The following SERPINB2 variants were observed in gnomAD, a reference collection of about 807,000 sequenced individuals.
SERPINB2 encodes plasminogen activator inhibitor 2.
Under a neutral mutation model 39.4 loss-of-function variants are expected in SERPINB2, and 28 were observed. The observed-to-expected ratio is 0.71, with a 90% confidence interval of 0.53 to 0.97. The LOEUF is 0.97. Among genes scored for constraint, SERPINB2 ranks in the 50% least tolerant of loss-of-function variants. SERPINB2 has a pLI of 0.00. For synonymous variants in SERPINB2, 209 were observed against 175.1 expected (o/e 1.19, Z -1.53); for missense variants, 557 against 505.3 (o/e 1.10, Z -0.98).
intron 6 of SERPINB2, 32 bp from the exon 7 acceptor site, chr18:63,902,372 G>T: frequency 6.7e-6 from 10 of 1,494,830 alleles, no homozygotes; most frequent in East Asian, 2.4e-5. Context: ...TCTTATAATC[G>T]ACTTCCATAT....
chr18:63,901,698 T>C (rs2049991901), intron 5 of SERPINB2, 42 bp from the exon 6 acceptor site: 2 of 1,419,208 alleles, frequency 1.4e-6, no homozygotes, highest in Non-Finnish European at 1.9e-6. Context: ...AATTTCACAG[T>C]TCTTGATTAT....
Position 63,901,507 on chromosome 18 carries a change from T to C in SERPINB2, c.536-233T>C, listed in dbSNP as rs895702826. 4.6e-5 allele frequency among the ~76,000 whole-genome samples: 7 copies of C among 152,174 alleles called. No individual in the cohort carries two copies. The South Asian group carries it at 1.2e-3, about 27-fold the overall frequency. On this transcript the variant is annotated intron_variant, in intron 5 of 7. Coordinates refer to ENST00000299502, the MANE Select transcript of SERPINB2 (RefSeq NM_002575.3). Reference sequence around the variant, plus strand: ...GTGAAAATCTCCATTCCAAACTTGATAGGCGGTCTAAATTTTAAATGCATT... The same window carrying C: ...GTGAAAATCTCCATTCCAAACTTGACAGGCGGTCTAAATTTTAAATGCATT...
At position 63,901,788 on chromosome 18, in the gene SERPINB2, G is replaced by T; in HGVS notation, c.584G>T (p.Arg195Met). 1 of 1,588,610 alleles carries T rather than the reference G, an allele frequency of 6.3e-7. No homozygotes were observed. Among genetic ancestry groups the T allele is most frequent in the Non-Finnish European group, 8.5e-7 (1 of 1,173,324 alleles). Residue 195 changes from arginine to methionine, a missense_variant, in exon 6 of 8, where the codon AGG (arginine) becomes ATG (methionine). Coordinates refer to ENST00000299502, the MANE Select transcript of SERPINB2 (RefSeq NM_002575.3). ...LPEGSVDGDT[R>M]MVLVNAVYFK... ...GAAGGTTCTGTAGATGGGGATACCA[G>T]GATGGTCCTGGTGAATGCTGTCTAC...
chr18:63,888,658 T>C (rs1016582373), intron 1 of SERPINB2, among the ~76,000 whole-genome samples: 3 of 152,198 alleles, frequency 2.0e-5, no homozygotes, highest in African/African-American at 7.2e-5. Flanking sequence ...CCTCCCAAAT[T>C]CTTCCTTCCC....
At chr18:63,902,199 A>T (rs1472998358) in intron 6 of SERPINB2, among the ~76,000 whole-genome samples, 4 of 152,202 alleles carry the variant, frequency 2.6e-5, no homozygotes, top group Non-Finnish European at 4.4e-5. Flanking sequence ...ATTGTTGTCC[A>T]TCTTACTAAA....
In SERPINB2 at chr18:63,902,951, C is replaced by G. The variant is rs199563173; in HGVS notation, c.894C>G (p.Asp298Glu). Residue 298 changes from aspartate to glutamate, a missense_variant, in exon 8 of 8, where the codon GAC becomes GAG. Transcript: ENST00000299502. Reference protein sequence around the residue: ...YDKLNKWTSKDKMAEDEVEVY... With the variant: ...YDKLNKWTSKEKMAEDEVEVY... ...AACTCAACAAGTGGACCAGCAAAGA[C>G]AAAATGGCTGAAGATGAAGTTGAGG... The G allele has an allele frequency of 6.2e-7, 1 of 1,612,998 alleles. No homozygotes were observed. The highest frequency in any genetic ancestry group is 8.5e-7 in the Non-Finnish European group (1 of 1,179,530).
At chr18:63,895,208 A>C in intron 2 of SERPINB2, 56 bp from the exon 3 acceptor site, 1 of 1,600,402 alleles carries the variant, frequency 6.2e-7, no homozygotes, top group Non-Finnish European at 8.5e-7. Flanking sequence ...CATCTGTTTT[A>C]AAAGTTCAGT....
chr18:63,897,914 T>C lies in SERPINB2; in HGVS notation c.535+70T>C. ...ACTCTGATCTATCTTTTTCCATCCATGAACTTAGTTAGCCCTCACCCCTTT... is the reference window on the plus strand; with the variant it reads ...ACTCTGATCTATCTTTTTCCATCCACGAACTTAGTTAGCCCTCACCCCTTT... On this transcript the variant is annotated intron_variant, in intron 5 of 7. Transcript: ENST00000299502. 2.8e-6 allele frequency: 3 copies of C among 1,063,884 alleles called. No individual in the cohort carries two copies. The South Asian group carries it at 4.2e-5, about 15-fold the overall frequency. 65.9% of individuals were successfully genotyped at this position (1,063,884 alleles called of 1,614,324 possible).
chr18:63,891,429 C>T lies in SERPINB2; in HGVS notation c.-9-7C>T. On this transcript the variant is annotated splice_region_variant and splice_polypyrimidine_tract_variant and intron_variant, in intron 1 of 7. Coordinates refer to ENST00000299502, the MANE Select transcript of SERPINB2 (RefSeq NM_002575.3). The stretch of plus-strand genomic sequence containing the variant: ...AGCTGTTTTTTTCTTCCTCTCTTTG[C>T]TTCTAGATTGAAACAATGGAGGATC... The T allele has an allele frequency of 3.1e-6, 5 of 1,613,326 alleles. No homozygotes were observed. The highest frequency in any genetic ancestry group is 4.2e-6 in the Non-Finnish European group (5 of 1,179,706).
At chr18:63,900,655 A>G (rs2049986025) in intron 5 of SERPINB2, among the ~76,000 whole-genome samples, 1 of 152,182 alleles carries the variant, frequency 6.6e-6, no homozygotes, top group African/African-American at 2.4e-5. Context: ...TCATTGCCAC[A>G]GAAAGAGGTG....
chr18:63,895,870 A>G (rs2049956346), intron 3 of SERPINB2, among the ~76,000 whole-genome samples: 1 of 152,176 alleles, frequency 6.6e-6, no homozygotes, highest in Non-Finnish European at 1.5e-5. Context: ...CTTACCTATC[A>G]TACATCTATC....
chr18:63,894,315 C>T (rs1002364168), intron 2 of SERPINB2, among the ~76,000 whole-genome samples: 2 of 152,184 alleles, frequency 1.3e-5, no homozygotes, highest in East Asian at 1.9e-4. Flanking sequence ...GCAGGACTTA[C>T]GATGTATGAC....
At chr18:63,894,144 G>A (rs1347096138) in intron 2 of SERPINB2, among the ~76,000 whole-genome samples, 1 of 152,118 alleles carries the variant, frequency 6.6e-6, no homozygotes, top group Non-Finnish European at 1.5e-5. Context: ...CTCCCTGAGT[G>A]ACTTTAACAC....
chr18:63,903,242 T>A lies in SERPINB2; in HGVS notation c.1185T>A (p.Leu395=), dbSNP rs749852357. 1 of 1,595,324 alleles carries A rather than the reference T, an allele frequency of 6.3e-7. No individual in the cohort carries two copies. The highest frequency in any genetic ancestry group is 1.8e-5 in the Admixed American group (1 of 55,628). Residue 395 remains leucine (L), a synonymous_variant, in exon 8 of 8, where the codon CTT becomes CTA. Coordinates refer to ENST00000299502, the MANE Select transcript of SERPINB2 (RefSeq NM_002575.3). ...AGTTTGTGGCAGATCATCCTTTTCT[T>A]TTTCTTATTATGCATAAGATAACCA... ...GPQFVADHPF[L]FLIMHKITNC... is the part of the protein sequence containing the mutation.
rs556008394 is a variant in SERPINB2, at chr18:63,892,093, T to C, written c.168+481T>C. On this transcript the variant is annotated intron_variant, in intron 2 of 7. Coordinates refer to ENST00000299502, the MANE Select transcript of SERPINB2 (RefSeq NM_002575.3). Reference sequence around the variant, plus strand: ...CTATGAAGAATTCCTTCTAATAATGTTAAGAGAGTATCACAAAGGGAAAAA... The same window carrying C: ...CTATGAAGAATTCCTTCTAATAATGCTAAGAGAGTATCACAAAGGGAAAAA... 9.2e-5 allele frequency among the ~76,000 whole-genome samples: 14 copies of C among 151,684 alleles called. 1 individual carries two copies. Among genetic ancestry groups the C allele is most frequent in the Admixed American group, 9.2e-4 (14 of 15,260 alleles).
At chr18:63,893,906 C>T (rs1301636333) in intron 2 of SERPINB2, among the ~76,000 whole-genome samples, 5 of 152,128 alleles carry the variant, frequency 3.3e-5, no homozygotes, top group African/African-American at 1.2e-4. Context: ...GAAGAGGCCA[C>T]ACAGTTGAGA....
At chr18:63,898,308 A>C (rs1307424725) in intron 5 of SERPINB2, among the ~76,000 whole-genome samples, 3 of 152,176 alleles carry the variant, frequency 2.0e-5, no homozygotes, top group Non-Finnish European at 2.9e-5. Context: ...TCCATTGTCA[A>C]GTTTTTTTGG....
chr18:63,891,114 C>A (rs2049923051), intron 1 of SERPINB2, among the ~76,000 whole-genome samples: 1 of 152,150 alleles, frequency 6.6e-6, no homozygotes, highest in African/African-American at 2.4e-5. Context: ...GCTCATCATA[C>A]AAAACACTTC....
intron 1 of SERPINB2, among the ~76,000 whole-genome samples, chr18:63,888,404 C>A (rs1377247874): frequency 2.0e-5 from 3 of 152,134 alleles, no homozygotes; most frequent in Non-Finnish European, 4.4e-5. Flanking sequence ...GATACTTATT[C>A]ATTATGAAAG....
Sources: allele counts gnomAD v4.1 joint callset (sites outside exome capture counted in the v4.1 genomes callset), GRCh38; gene constraint gnomAD v4.1.1; transcripts MANE v1.5; gene names NCBI Gene and HGNC (gene_info 2026-07-23, HGNC 2026-07-21).